KLF15: variants seen among roughly 807,000 people sequenced by gnomAD.
KLF15 encodes the protein Krueppel-like factor 15.
A neutral mutation model predicts 24.6 loss-of-function variants in KLF15; 4 were observed. That is an observed-to-expected ratio of 0.16 (90% CI 0.08 to 0.37). The LOEUF (loss-of-function observed/expected upper bound fraction) is 0.37. Ranked by LOEUF, KLF15 falls within the 10% of genes least tolerant of loss-of-function variation. KLF15 has a pLI of 1.00. For missense variants in KLF15, 496 were observed against 560.6 expected (o/e 0.88, Z 1.16); for synonymous variants, 246 against 236.3 (o/e 1.04, Z -0.37).
At chr3:126,337,905 C>A (rs554396365), downstream of KLF15, among the ~76,000 whole-genome samples, 3 of 152,160 alleles carry the variant, frequency 2.0e-5, no homozygotes, top group Non-Finnish European at 2.9e-5. Context: ...GCTTTCAAGG[C>A]GGGAGAAGGT....
Position 126,352,651 on chromosome 3 carries a change from C to T in KLF15, c.272G>A (p.Gly91Asp). ...GCTGGCCCCAATGCTACTGCCGCTG[C>T]CCCCGCCACTGCCCAGCGTGGCCTG... is the stretch of plus-strand genomic sequence containing the variant. ...LSQATLGSGG[G>D]SGSSIGASSG... Residue 91 changes from glycine to aspartate, a missense_variant, in exon 2 of 3, where the codon GGC (glycine) becomes GAC (aspartate). Physicochemically the swap from Gly to Asp is moderately conservative, Grantham distance 94. Transcript: ENST00000296233. 1.9e-6 allele frequency: 3 copies of T among 1,597,624 alleles called. No individual in the cohort carries two copies. The highest frequency in any genetic ancestry group is 2.2e-5 in the South Asian group (2 of 89,294).
the KLF15 span, among the ~76,000 whole-genome samples, chr3:126,292,837 G>A: frequency 1.3e-5 from 2 of 151,630 alleles, no homozygotes. Context: ...GCTGGACCCA[G>A]GTAAGAAGTC....
chr3:126,320,721 T>A, the KLF15 span, among the ~76,000 whole-genome samples: 1 of 152,086 alleles, frequency 6.6e-6, no homozygotes, highest in East Asian at 1.9e-4. Flanking sequence ...CTCTCAGCAG[T>A]CTTGGGGGAA....
chr3:126,329,355 G>A, the KLF15 span, among the ~76,000 whole-genome samples: 1 of 152,152 alleles, frequency 6.6e-6, no homozygotes, highest in Non-Finnish European at 1.5e-5. Context: ...GTGGTGGTGT[G>A]TGCCTGGAGT....
chr3:126,301,846 C>T, the KLF15 span, among the ~76,000 whole-genome samples: 1 of 152,004 alleles, frequency 6.6e-6, no homozygotes, highest in African/African-American at 2.4e-5. Flanking sequence ...AACTCCTGAC[C>T]TTAGGTGATC....
chr3:126,315,729 G>A, the KLF15 span, among the ~76,000 whole-genome samples: 2 of 152,300 alleles, frequency 1.3e-5, no homozygotes, highest in African/African-American at 4.8e-5. Context: ...AGGAACTCAG[G>A]CCTGCATGAC....
chr3:126,307,374 T>A, the KLF15 span, among the ~76,000 whole-genome samples: 1 of 152,188 alleles, frequency 6.6e-6, no homozygotes, highest in East Asian at 1.9e-4. Context: ...GGAGGCGGAC[T>A]GGGGACTCAG....
the KLF15 span, among the ~76,000 whole-genome samples, chr3:126,291,626 AG>A: frequency 1.7e-4 from 26 of 152,402 alleles, no homozygotes; most frequent in African/African-American, 6.2e-4. Context: ...CCACTCTCCC[AG>A]GTGGCTGCGT....
At chr3:126,300,236 G>A in the KLF15 span, among the ~76,000 whole-genome samples, 1 of 152,150 alleles carries the variant, frequency 6.6e-6, no homozygotes, top group South Asian at 2.1e-4. Context: ...GGGCAGGAAC[G>A]AGGCCATCCG....
At chr3:126,338,858 A>G (rs982195073), downstream of KLF15, among the ~76,000 whole-genome samples, 13 of 152,140 alleles carry the variant, frequency 8.5e-5, no homozygotes, top group African/African-American at 3.1e-4. Context: ...GCCGCCTGCT[A>G]CAGACACTGC....
At chr3:126,329,039 TA>T in the KLF15 span, among the ~76,000 whole-genome samples, 1 of 152,240 alleles carries the variant, frequency 6.6e-6, no homozygotes, top group African/African-American at 2.4e-5. Context: ...AACAGGAGTT[TA>T]AATGGTAGTG....
At position 126,355,227 on chromosome 3, in the gene KLF15, C is replaced by G. The variant is rs12639203; in HGVS notation, c.-26+2010G>C. ...ATATTGTGGTTAAAGGAGGCCTTAC[C>G]TTTTAAACATATAAACAGATATTGA... On this transcript the variant is annotated intron_variant, in intron 1 of 2. Coordinates refer to ENST00000296233, the MANE Select transcript of KLF15 (RefSeq NM_014079.4). Among the ~76,000 whole-genome samples the G allele has an allele frequency of 3.3e-5, 5 of 152,352 alleles. No homozygotes were observed. In the East Asian group the frequency reaches 7.7e-4, roughly 23 times the overall value.
intron 2 of KLF15, 112 bp from the exon 3 acceptor site, chr3:126,344,007 G>GCTGCAGGT: frequency 8.8e-7 from 1 of 1,138,094 alleles, no homozygotes; most frequent in Non-Finnish European, 1.2e-6. Flanking sequence ...CCAAAGGGTG[G>GCTGCAGGT]CTGCGCAGAC....
Position 126,349,133 on chromosome 3 carries a change from C to A in KLF15, c.1082+2708G>T, listed in dbSNP as rs566185091. Among the ~76,000 whole-genome samples the A allele has an allele frequency of 3.9e-5, 6 of 152,258 alleles. No individual in the cohort carries two copies. The East Asian group carries it at 1.2e-3, about 29-fold the overall frequency. On this transcript the variant is annotated intron_variant, in intron 2 of 2. Coordinates refer to ENST00000296233, the MANE Select transcript of KLF15 (RefSeq NM_014079.4). ...CTATCACCACATTAAGAGACACAAG[C>A]AGACTGGGCACATCCCCAGGGTTTC... is the stretch of plus-strand genomic sequence containing the variant.
At chr3:126,316,808 G>A in the KLF15 span, among the ~76,000 whole-genome samples, 1 of 152,122 alleles carries the variant, frequency 6.6e-6, no homozygotes, top group African/African-American at 2.4e-5. Context: ...GGGCCTGCCT[G>A]ACTCTTCCTC....
chr3:126,314,344 G>A, the KLF15 span, among the ~76,000 whole-genome samples: 1 of 152,220 alleles, frequency 6.6e-6, no homozygotes, highest in Non-Finnish European at 1.5e-5. Flanking sequence ...CACCTTCCTT[G>A]CAAATGTCAT....
chr3:126,318,084 G>A, the KLF15 span, among the ~76,000 whole-genome samples: 1 of 151,990 alleles, frequency 6.6e-6, no homozygotes, highest in African/African-American at 2.4e-5. Flanking sequence ...CTTCCTGGAC[G>A]CCTCCACCCA....
At chr3:126,293,020 G>C in the KLF15 span, among the ~76,000 whole-genome samples, 1 of 151,916 alleles carries the variant, frequency 6.6e-6, no homozygotes, top group Admixed American at 6.6e-5. Flanking sequence ...AATCAAAGAT[G>C]ATGTTTAGGC....
the KLF15 span, among the ~76,000 whole-genome samples, chr3:126,295,364 T>C: frequency 1.3e-5 from 2 of 152,224 alleles, no homozygotes; most frequent in Non-Finnish European, 2.9e-5. Flanking sequence ...CCTACACTTC[T>C]AGTGAGGGCA....
Sources: gnomAD v4.1 joint callset for allele counts (sites outside exome capture counted in the v4.1 genomes callset) on GRCh38, gnomAD v4.1.1 for gene constraint, MANE v1.5 for transcripts, NCBI Gene and HGNC (gene_info 2026-07-23, HGNC 2026-07-21) for gene names.